Variants in ATP7A observed in about 807,000 individuals in gnomAD.
The protein encoded by ATP7A is ATPase copper transporting alpha, also known as copper-transporting ATPase 1.
ATP7A carries 7 observed loss-of-function variants against 83.5 expected under a neutral mutation model. That is an observed-to-expected ratio of 0.08 (90% CI 0.05 to 0.16). ATP7A has a LOEUF of 0.16. Ranked by LOEUF, ATP7A falls within the 10% of genes least tolerant of loss-of-function variation. The pLI is 1.00. For missense variants in ATP7A, 940 were observed against 1,120.8 expected (o/e 0.84, Z 2.30); for synonymous variants, 354 against 395.2 (o/e 0.90, Z 1.24).
chrX:78,042,048 C>T lies in ATP7A; in HGVS notation c.3802-537C>T, dbSNP rs781785306. ...CAGGAGAATCGCTTGAACCAGGAGG[C>T]GGAGGTTGCAGTGAGCCGAGATGGT... On this transcript the variant is annotated intron_variant, in intron 19 of 22. Transcript: ENST00000341514. 1.8e-4 allele frequency among the ~76,000 whole-genome samples: 18 copies of T among 97,705 alleles called. 1 individual carries two copies. The East Asian group carries it at 3.6e-3, about 20-fold the overall frequency. The allele number at this position is 97,705 out of a possible 115,157, so 84.8% of individuals were successfully genotyped here.
chrX:77,965,671 G>GA (rs1417857880), intron 1 of ATP7A, among the ~76,000 whole-genome samples: 1 of 111,701 alleles, frequency 9.0e-6, no homozygotes, highest in East Asian at 2.8e-4. Context: ...AAAGAGAAAT[G>GA]AAAACACAAA....
At chrX:77,968,814 G>A in intron 1 of ATP7A, 2 of 1,198,224 alleles carry the variant, frequency 1.7e-6, no homozygotes, top group Non-Finnish European at 2.3e-6. Flanking sequence ...GGTGGGAGGG[G>A]CAGAGGGACA....
intron 4 of ATP7A, among the ~76,000 whole-genome samples, chrX:77,997,055 A>G (rs1454128441): frequency 8.9e-6 from 1 of 112,563 alleles, no homozygotes; most frequent in East Asian, 2.8e-4. Context: ...AGACAGGCTA[A>G]TTAAGGAACA....
intron 11 of ATP7A, among the ~76,000 whole-genome samples, chrX:78,014,988 C>A (rs1167985607): frequency 6.3e-5 from 7 of 111,824 alleles, no homozygotes; most frequent in Non-Finnish European, 1.3e-4. Context: ...TGTGTTATCT[C>A]TAAAAAAGGA....
At chrX:77,976,623 T>C (rs887612097) in intron 2 of ATP7A, among the ~76,000 whole-genome samples, 6 of 112,169 alleles carry the variant, frequency 5.3e-5, no homozygotes, top group African/African-American at 1.9e-4. Flanking sequence ...GGTGATTTTT[T>C]CCATGTCTAA....
chrX:78,003,235 T>C lies in ATP7A; in HGVS notation c.1706T>C (p.Val569Ala). 1 of 1,208,415 alleles carries C rather than the reference T, an allele frequency of 8.3e-7. No individual in the cohort carries two copies. Among genetic ancestry groups the C allele is most frequent in the South Asian group, 1.8e-5 (1 of 56,910 alleles). Residue 569 changes from valine (V) to alanine (A), a missense_variant and splice_region_variant, in exon 6 of 23, where the codon GTT becomes GCT. Around this residue, in one of 3 missense-constraint regions of ATP7A, gnomAD observed 350 missense variants for 432.8 expected, o/e 0.81. Coordinates refer to ENST00000341514, the MANE Select transcript of ATP7A (RefSeq NM_000052.7). ...ADEGDGVLEL[V>A]VRGMTCASCV... is the part of the protein sequence containing the mutation. ...GAAGGAGATGGTGTTTTGGAACTTGTTGTAAGTAAGATTTTTTGTGTGATT... is the reference window on the plus strand; with the variant it reads ...GAAGGAGATGGTGTTTTGGAACTTGCTGTAAGTAAGATTTTTTGTGTGATT...
In ATP7A at chrX:78,046,334, C is replaced by T. The variant is rs149079962; in HGVS notation, c.4267C>T (p.Arg1423Trp). 2.2e-5 allele frequency: 27 copies of T among 1,209,845 alleles called. No individual in the cohort carries two copies. The highest frequency in any genetic ancestry group is 3.0e-5 in the East Asian group (1 of 33,768). ...TTACGAGAGTTATGAACTGCCTGCC[C>T]GGAGCCAGATAGGACAGAAGAGTCC... ...PTYESYELPA[R>W]SQIGQKSPSE... The change falls in exon 23 of 23, where the codon CGG (arginine) becomes TGG (tryptophan). Residue 1423 changes from arginine (R) to tryptophan (W), a missense_variant. Physicochemically the swap from Arg to Trp is moderately radical, Grantham distance 101. Coordinates refer to ENST00000341514, the MANE Select transcript of ATP7A (RefSeq NM_000052.7).
At chrX:77,985,570 C>T (rs1239588023) in intron 2 of ATP7A, among the ~76,000 whole-genome samples, 1 of 111,566 alleles carries the variant, frequency 9.0e-6, no homozygotes, top group Non-Finnish European at 1.9e-5. Flanking sequence ...TCTGGTAGGA[C>T]TAACCACATT....
At chrX:78,018,349 A>G (rs957077700) in intron 12 of ATP7A, among the ~76,000 whole-genome samples, 17 of 109,438 alleles carry the variant, frequency 1.6e-4, no homozygotes, top group African/African-American at 5.3e-4. Flanking sequence ...TACTAAAAAT[A>G]TAAAATTAGC....
chrX:78,009,322 A>G (rs2077800866), intron 7 of ATP7A, 59 bp downstream of exon 7: 1 of 1,137,943 alleles, frequency 8.8e-7, no homozygotes, highest in Non-Finnish European at 1.2e-6. Context: ...ACTCCCGTGA[A>G]TCATTTCTGG....
In ATP7A at chrX:78,031,562, A is replaced by G. The variant is rs782513950; in HGVS notation, c.3274A>G (p.Ile1092Val). The G allele has an allele frequency of 2.1e-5, 25 of 1,209,200 alleles. No homozygotes were observed. The South Asian group carries it at 4.4e-4, about 21-fold the overall frequency. ...SNSEHPLGTA[I>V]TKYCKQELDT... is the part of the protein sequence containing the mutation. ...CAGTGAACACCCTCTAGGAACAGCC[A>G]TAACCAAATATTGCAAACAGGTACA... Residue 1092 changes from isoleucine (I) to valine (V), a missense_variant, in exon 16 of 23, where the codon ATA (isoleucine) becomes GTA (valine). By Grantham distance (29) the Ile-to-Val change is conservative. Transcript: ENST00000341514.
chrX:77,911,579 G>C (rs1437870264), intron 1 of ATP7A, among the ~76,000 whole-genome samples: 8 of 106,430 alleles, frequency 7.5e-5, no homozygotes, highest in Non-Finnish European at 1.5e-4. Flanking sequence ...TTTTTTGCCG[G>C]GTGCGGGGGG....
At chrX:78,015,595 G>C (rs1255475422) in intron 11 of ATP7A, among the ~76,000 whole-genome samples, 159 bp from the exon 12 acceptor site, 2 of 112,017 alleles carry the variant, frequency 1.8e-5, no homozygotes, top group African/African-American at 6.5e-5. Context: ...CTAACAGTAA[G>C]CAAGACTGAC....
chrX:77,998,424 A>T, intron 4 of ATP7A, 54 bp from the exon 5 acceptor site: 1 of 1,108,113 alleles, frequency 9.0e-7, no homozygotes, highest in Non-Finnish European at 1.2e-6. Context: ...CAAGGCAAGG[A>T]TGCAATTGAA....
intron 10 of ATP7A, 38 bp downstream of exon 10, chrX:78,013,150 G>C: frequency 9.0e-7 from 1 of 1,114,429 alleles, no homozygotes; most frequent in Non-Finnish European, 1.2e-6. Context: ...AAAATGTTGG[G>C]TGGATAAATG....
At chrX:78,037,432 T>C (rs1483905988) in intron 17 of ATP7A, among the ~76,000 whole-genome samples, 1 of 112,545 alleles carries the variant, frequency 8.9e-6, no homozygotes, top group African/African-American at 3.2e-5. Flanking sequence ...ATAGCAGATA[T>C]AGAACATTTC....
intron 1 of ATP7A, among the ~76,000 whole-genome samples, chrX:77,934,235 A>G (rs2077306995): frequency 9.0e-6 from 1 of 110,521 alleles, no homozygotes; most frequent in Non-Finnish European, 1.9e-5. Flanking sequence ...GCAACATAGC[A>G]AGACCTCGTC....
chrX:77,932,687 G>A (rs985052294), intron 1 of ATP7A, among the ~76,000 whole-genome samples: 3 of 112,900 alleles, frequency 2.7e-5, no homozygotes, highest in African/African-American at 9.6e-5. Context: ...CAGATCACTC[G>A]CGGTTAGGAG....
intron 4 of ATP7A, among the ~76,000 whole-genome samples, chrX:77,993,188 A>C (rs1187512372): frequency 1.8e-5 from 2 of 112,230 alleles, no homozygotes; most frequent in African/African-American, 6.5e-5. Flanking sequence ...ATAAAACTGA[A>C]ATATTTTTCA....
Sources: gnomAD v4.1 joint callset for allele counts (sites outside exome capture counted in the v4.1 genomes callset) on GRCh38, gnomAD v4.1.1 for gene constraint, gnomAD v4.1.1 regional missense constraint, MANE v1.5 for transcripts, NCBI Gene and HGNC (gene_info 2026-07-23, HGNC 2026-07-21) for gene names.